The following PLXNA1 variants were observed in gnomAD, a reference collection of about 807,000 sequenced individuals.
PLXNA1 encodes the protein plexin A1.
PLXNA1 carries 77 observed loss-of-function variants against 191.7 expected under a neutral mutation model. The observed-to-expected ratio is 0.40, with a 90% CI of 0.33 to 0.49. PLXNA1 has a LOEUF of 0.49. Among genes scored for constraint, PLXNA1 ranks in the 20% least tolerant of loss-of-function variants. PLXNA1 has a pLI of 0.63. For synonymous variants in PLXNA1, 1,137 were observed against 1,156.4 expected, an observed-to-expected ratio of 0.98 and a Z score of 0.34; for missense variants, 2,110 against 2,660.2, an observed-to-expected ratio of 0.79 and a Z score of 4.55.
intron 9 of PLXNA1, 82 bp downstream of exon 9, chr3:127,007,995 A>G: frequency 1.1e-6 from 1 of 902,116 alleles, no homozygotes; most frequent in Non-Finnish European, 1.7e-6. Flanking sequence ...GTGTCGCCTG[A>G]GGCCTGGCCC....
intron 26 of PLXNA1, 77 bp downstream of exon 26, chr3:127,029,173 A>C (rs972771411): frequency 3.4e-6 from 4 of 1,183,638 alleles, no homozygotes; most frequent in African/African-American, 1.5e-5. Flanking sequence ...CAATGTTTGC[A>C]GCATGTGGGC....
At chr3:127,001,653 C>A (rs748339508) in intron 3 of PLXNA1, among the ~76,000 whole-genome samples, 5 of 152,266 alleles carry the variant, frequency 3.3e-5, no homozygotes, top group African/African-American at 9.6e-5. Flanking sequence ...GTCCTGCCCT[C>A]CTCGCCTTCC....
In PLXNA1 at chr3:126,989,514, G is replaced by C; in HGVS notation, c.921G>C (p.Val307=). Residue 307 remains valine (V), a synonymous_variant, in exon 2 of 32, where the codon GTG becomes GTC. Coordinates refer to ENST00000393409, the MANE Select transcript of PLXNA1 (RefSeq NM_032242.4). ...EFPIGCEQAG[V]EYRLVQDAYL... Reference sequence around the variant, plus strand: ...CCATTGGCTGCGAGCAGGCGGGTGTGGAGTACCGCCTGGTGCAGGATGCCT... The same window carrying C: ...CCATTGGCTGCGAGCAGGCGGGTGTCGAGTACCGCCTGGTGCAGGATGCCT... The C allele has an allele frequency of 6.2e-7, 1 of 1,613,446 alleles. No homozygotes were observed. Among genetic ancestry groups the C allele is most frequent in the Non-Finnish European group, 8.5e-7 (1 of 1,180,034 alleles).
rs1212625638 is a variant in PLXNA1, at chr3:127,036,081, C to G, written c.*2064C>G. 1 of 152,770 alleles carries G rather than the reference C, an allele frequency of 6.5e-6. No homozygotes were observed. Among genetic ancestry groups the G allele is most frequent in the Non-Finnish European group, 1.5e-5 (1 of 68,148 alleles). 9.5% of individuals were successfully genotyped at this position (152,770 alleles called of 1,614,324 possible). ...GGCTGTTTTTTTCAGTAGCCCCTAG[C>G]ATTGGCTGGGATTCCTGTTCCTGGG... On this transcript the variant is annotated 3_prime_UTR_variant, in exon 32 of 32. Coordinates refer to ENST00000393409, the MANE Select transcript of PLXNA1 (RefSeq NM_032242.4).
rs538957226 is a variant in PLXNA1, at chr3:127,013,596, G to A, written c.2314-424G>A. ...TTGCCTGTCTCTGCCCCAGTCCGGG[G>A]ACACGGATCTCCCACCTCAAGGCAG... On this transcript the variant is annotated intron_variant, in intron 10 of 31. Transcript: ENST00000393409. Among the ~76,000 whole-genome samples, 23 of 152,354 alleles carry A rather than the reference G, an allele frequency of 1.5e-4. No individual in the cohort carries two copies. In the South Asian group the frequency reaches 2.3e-3, roughly 15 times the overall value.
chr3:126,983,824 C>A (rs2078943998), intron 1 of PLXNA1, among the ~76,000 whole-genome samples: 1 of 152,024 alleles, frequency 6.6e-6, no homozygotes, highest in Non-Finnish European at 1.5e-5. Context: ...GGATCGGAGC[C>A]TCCCAGCAGG....
At chr3:127,022,432 G>A in intron 22 of PLXNA1, 91 bp downstream of exon 22, 3 of 1,498,740 alleles carry the variant, frequency 2.0e-6, no homozygotes, top group Non-Finnish European at 2.7e-6. Context: ...ACGTTGCTGT[G>A]GCAGTTCCCA....
chr3:127,034,234 GCT>G lies in PLXNA1; in HGVS notation c.*218_*219del. On this transcript the variant is annotated 3_prime_UTR_variant, in exon 32 of 32. Coordinates refer to ENST00000393409, the MANE Select transcript of PLXNA1 (RefSeq NM_032242.4). ...CCACACCACAGCTGCGCACACAGCT[GCT>G]TGCTCAGGGGCCGGGACAGCACTGG... 1 of 507,916 alleles carries G rather than the reference GCT, an allele frequency of 2.0e-6. No individual in the cohort carries two copies. The highest frequency in any genetic ancestry group is 3.5e-6 in the Non-Finnish European group (1 of 283,880). The allele number at this position is 507,916 out of a possible 1,614,324, so 31.5% of individuals were successfully genotyped here.
intron 22 of PLXNA1, 144 bp from the exon 23 acceptor site, chr3:127,022,606 CAT>C (rs1367343206): frequency 2.4e-6 from 2 of 830,668 alleles, no homozygotes; most frequent in Non-Finnish European, 4.0e-6. Flanking sequence ...GCTGCCCACT[CAT>C]GTGGGTGCCT....
chr3:127,027,895 A>T (rs761026902), intron 23 of PLXNA1, 45 bp from the exon 24 acceptor site: 1 of 1,610,136 alleles, frequency 6.2e-7, no homozygotes, highest in African/African-American at 1.3e-5. Context: ...GGTTGGGGGT[A>T]GGCCCGGGGG....
intron 21 of PLXNA1, among the ~76,000 whole-genome samples, chr3:127,021,120 C>T (rs1171298907): frequency 1.3e-5 from 2 of 152,206 alleles, no homozygotes; most frequent in Admixed American, 6.5e-5. Flanking sequence ...CTTGTGGTGA[C>T]TCTGTTGGTG....
In PLXNA1 at chr3:126,989,233, G is replaced by A. The variant is rs200971189; in HGVS notation, c.640G>A (p.Asp214Asn). 2.6e-4 allele frequency: 423 copies of A among 1,613,656 alleles called. 1 individual carries two copies. The highest frequency in any genetic ancestry group is 5.5e-4 in the Admixed American group (33 of 60,034). ...GCTCATGGCCAACGAGGAGGATGCC[G>A]ACATGTTCGGCTTCGTGTACCAGGA... Reference protein sequence around the residue: ...RRLMANEEDADMFGFVYQDEF... With the variant: ...RRLMANEEDANMFGFVYQDEF... The change falls in exon 2 of 32, where the codon GAC becomes AAC. Residue 214 changes from aspartate (D) to asparagine (N), a missense_variant. Around this residue, in one of 4 missense-constraint regions of PLXNA1, gnomAD observed 903 missense variants for 1,015.7 expected, o/e 0.89. Transcript: ENST00000393409.
intron 17 of PLXNA1, 70 bp downstream of exon 17, chr3:127,017,107 A>G: frequency 7.3e-7 from 1 of 1,378,522 alleles, no homozygotes; most frequent in Non-Finnish European, 1.0e-6. Context: ...TGCTAGGAAT[A>G]CCCGTGTCCC....
chr3:127,031,790 GAATGTTCTGTC>G (rs1488805155), intron 29 of PLXNA1: 1 of 153,830 alleles, frequency 6.5e-6, no homozygotes, highest in Non-Finnish European at 1.4e-5. Flanking sequence ...TGTTCTTGGA[GAATGTTCTGTC>G]ACAGTGGAAC....
chr3:127,012,074 G>A lies in PLXNA1; in HGVS notation c.2229G>A (p.Glu743=), dbSNP rs772311712. Residue 743 remains glutamate, a synonymous_variant, in exon 10 of 32, where the codon GAG becomes GAA. Coordinates refer to ENST00000393409, the MANE Select transcript of PLXNA1 (RefSeq NM_032242.4). Reference sequence around the variant, plus strand: ...CACAGTCAGGCCAGCGTGGATATGAGTGCCTCTTCCACATCCCGGGCAGCC... The same window carrying A: ...CACAGTCAGGCCAGCGTGGATATGAATGCCTCTTCCACATCCCGGGCAGCC... The part of the protein sequence containing the change: ...PQPQSGQRGY[E]CLFHIPGSPA... The A allele has an allele frequency of 1.2e-6, 2 of 1,613,720 alleles. No homozygotes were observed. The highest frequency in any genetic ancestry group is 2.7e-5 in the African/African-American group (2 of 74,958).
chr3:127,029,847 G>A (rs991674855), intron 27 of PLXNA1, 27 bp from the exon 28 acceptor site: 14 of 1,572,388 alleles, frequency 8.9e-6, no homozygotes, highest in Admixed American at 3.5e-5. Flanking sequence ...GCCAGCCAAC[G>A]CGGGCGCTGA....
At chr3:127,032,127 C>T (rs528585270) in intron 29 of PLXNA1, among the ~76,000 whole-genome samples, 2 of 152,364 alleles carry the variant, frequency 1.3e-5, no homozygotes, top group Admixed American at 6.5e-5. Context: ...ACATCTTGCC[C>T]TTGTGCAAAC....
Position 127,029,115 on chromosome 3 carries a change from AC to A in PLXNA1, c.4773+22del, listed in dbSNP as rs780030069. ...CTACCAGGTGGCTCCCGGCCCTCCGACCCTAGCACAGGCCTCCCTCCCCTTG... is the reference window on the plus strand; with the variant it reads ...CTACCAGGTGGCTCCCGGCCCTCCGACCTAGCACAGGCCTCCCTCCCCTTG... On this transcript the variant is annotated intron_variant, in intron 26 of 31. Transcript: ENST00000393409. The A allele has an allele frequency of 5.7e-6, 9 of 1,592,092 alleles. No homozygotes were observed. The highest frequency in any genetic ancestry group is 6.9e-6 in the Non-Finnish European group (8 of 1,161,168).
At chr3:127,028,426 G>A (rs1285837638) in intron 25 of PLXNA1, 86 bp downstream of exon 25, 4 of 1,424,144 alleles carry the variant, frequency 2.8e-6, no homozygotes, top group Non-Finnish European at 3.7e-6. Flanking sequence ...TGGCGGGGAA[G>A]GCCAGGCCAG....
Sources: gnomAD v4.1 joint callset for allele counts (sites outside exome capture counted in the v4.1 genomes callset) on GRCh38, gnomAD v4.1.1 for gene constraint, gnomAD v4.1.1 regional missense constraint, MANE v1.5 for transcripts, NCBI Gene and HGNC (gene_info 2026-07-23, HGNC 2026-07-21) for gene names.